STK24: variants seen among roughly 807,000 people sequenced by gnomAD.
The protein encoded by STK24 is serine/threonine-protein kinase 24.
STK24 carries 21 observed loss-of-function variants against 55.6 expected under a neutral mutation model. The ratio of observed to expected loss-of-function variants is 0.38; its 90% CI spans 0.27 to 0.54. The LOEUF (loss-of-function observed/expected upper bound fraction) is 0.54. Among genes scored for constraint, STK24 ranks in the 20% least tolerant of loss-of-function variants. The pLI is 0.79. For synonymous variants in STK24, 200 were observed against 215.2 expected (o/e 0.93, Z 0.62); for missense variants, 383 against 538.4 (o/e 0.71, Z 2.86).
chr13:98,457,587 A>G (rs1893521957), intron 9 of STK24, among the ~76,000 whole-genome samples: 1 of 149,944 alleles, frequency 6.7e-6, no homozygotes, highest in African/African-American at 2.5e-5. Context: ...CTCCTGCCTC[A>G]GCCTCCCGAG....
intron 3 of STK24, among the ~76,000 whole-genome samples, chr13:98,479,158 A>C (rs1319796697): frequency 6.6e-6 from 1 of 152,228 alleles, no homozygotes; most frequent in Non-Finnish European, 1.5e-5. Context: ...TGCTCTTCTA[A>C]GTCAGGGCAC....
rs1479931633 is a variant in STK24, at chr13:98,452,114, G to A, written c.*1059C>T. 6.6e-6 allele frequency: 1 copy of A among 152,052 alleles called. No individual in the cohort carries two copies. Among genetic ancestry groups the A allele is most frequent in the Non-Finnish European group, 1.5e-5 (1 of 67,992 alleles). 9.4% of individuals were successfully genotyped at this position (152,052 alleles called of 1,614,324 possible). ...CACGCACGGCCACACATACACAGCAGGTGCCCTGTCCTCTGAAGAGTCACA... is the reference window on the plus strand; with the variant it reads ...CACGCACGGCCACACATACACAGCAAGTGCCCTGTCCTCTGAAGAGTCACA... On this transcript the variant is annotated 3_prime_UTR_variant, in exon 11 of 11. Coordinates refer to ENST00000539966, the MANE Select transcript of STK24 (RefSeq NM_001032296.4).
At chr13:98,569,270 C>T (rs1360891619) in intron 1 of STK24, among the ~76,000 whole-genome samples, 1 of 152,086 alleles carries the variant, frequency 6.6e-6, no homozygotes, top group Non-Finnish European at 1.5e-5. Flanking sequence ...TGCAATTTTA[C>T]ACCATGCTAA....
intron 5 of STK24, among the ~76,000 whole-genome samples, chr13:98,472,896 C>T (rs1288098628): frequency 6.6e-6 from 1 of 152,124 alleles, no homozygotes; most frequent in African/African-American, 2.4e-5. Flanking sequence ...TTTTAAACCT[C>T]TCTCAGCTTG....
chr13:98,489,903 A>G (rs1894954997), intron 2 of STK24, among the ~76,000 whole-genome samples: 1 of 152,236 alleles, frequency 6.6e-6, no homozygotes, highest in Non-Finnish European at 1.5e-5. Flanking sequence ...TGAGGAGAAA[A>G]GGAAAGTAAG....
chr13:98,448,499 C>T lies in STK24; in HGVS notation c.*4674G>A, dbSNP rs553953830. The T allele has an allele frequency of 2.2e-5, 13 of 590,334 alleles. No individual in the cohort carries two copies. The highest frequency in any genetic ancestry group is 1.3e-4 in the African/African-American group (7 of 53,636). The allele number at this position is 590,334 out of a possible 1,614,324, so 36.6% of individuals were successfully genotyped here. On this transcript the variant is annotated 3_prime_UTR_variant, in exon 11 of 11. Transcript: ENST00000539966. ...GACCTCTCAGCGTCTGAATGAACAGCGCTCCCACCTCCAGTCCTGGCATCC... is the reference window on the plus strand; with the variant it reads ...GACCTCTCAGCGTCTGAATGAACAGTGCTCCCACCTCCAGTCCTGGCATCC...
chr13:98,447,051 C>T lies in STK24; in HGVS notation c.*6122G>A. The stretch of plus-strand genomic sequence containing the variant: ...GCACGGTGTTGGCTGAGGCCCTAGA[C>T]ATCTTGCTTGGAGATCTCTGACATA... On this transcript the variant is annotated 3_prime_UTR_variant, in exon 11 of 11. Transcript: ENST00000539966. The T allele has an allele frequency of 2.0e-6, 1 of 501,352 alleles. No homozygotes were observed. Among genetic ancestry groups the T allele is most frequent in the Non-Finnish European group, 3.6e-6 (1 of 277,804 alleles). The allele number at this position is 501,352 out of a possible 1,614,324, so 31.1% of individuals were successfully genotyped here. A position where few individuals can be genotyped will look rare whatever the true frequency, so the allele number is the denominator to read the frequency against.
intron 10 of STK24, chr13:98,456,953 G>A: frequency 1.6e-6 from 1 of 634,170 alleles, no homozygotes; most frequent in East Asian, 2.8e-5. Context: ...ACTAAGTCCT[G>A]TGGGCTTTCC....
chr13:98,538,966 A>G (rs2083659702), intron 1 of STK24, among the ~76,000 whole-genome samples: 1 of 152,240 alleles, frequency 6.6e-6, no homozygotes, highest in Admixed American at 6.5e-5. Flanking sequence ...AAGGAGACAC[A>G]GGAGTCAGGG....
chr13:98,482,838 C>T (rs540666459), intron 2 of STK24, among the ~76,000 whole-genome samples: 22 of 152,322 alleles, frequency 1.4e-4, no homozygotes, highest in African/African-American at 5.3e-4. Flanking sequence ...CCTAGCGTGG[C>T]CTCCGACTCA....
At chr13:98,535,163 G>C (rs1896681208) in intron 1 of STK24, among the ~76,000 whole-genome samples, 1 of 151,966 alleles carries the variant, frequency 6.6e-6, no homozygotes, top group South Asian at 2.1e-4. Flanking sequence ...AGCCTGACCA[G>C]CGTGTATTTA....
chr13:98,531,563 A>C (rs1361983699), intron 1 of STK24, among the ~76,000 whole-genome samples: 1 of 152,070 alleles, frequency 6.6e-6, no homozygotes. Flanking sequence ...CCAACCCTAG[A>C]CACCTTTTGA....
In STK24 at chr13:98,446,135, A is replaced by C. The variant is rs745471591; in HGVS notation, c.*7038T>G. 2 of 1,613,952 alleles carry C rather than the reference A, an allele frequency of 1.2e-6. No individual in the cohort carries two copies. The highest frequency in any genetic ancestry group is 2.2e-5 in the South Asian group (2 of 91,084). On this transcript the variant is annotated 3_prime_UTR_variant, in exon 11 of 11. Transcript: ENST00000539966. ...GGAAACCTGCTGAGGAAATTCAAAAACAGCAACGGGTGGCAGAAGCTGTGG... is the reference window on the plus strand; with the variant it reads ...GGAAACCTGCTGAGGAAATTCAAAACCAGCAACGGGTGGCAGAAGCTGTGG...
At chr13:98,466,844 G>A (rs1893942761) in intron 5 of STK24, among the ~76,000 whole-genome samples, 1 of 151,826 alleles carries the variant, frequency 6.6e-6, no homozygotes, top group African/African-American at 2.4e-5. Context: ...GAGTCCCGGG[G>A]GCCAGCAGGA....
intron 1 of STK24, among the ~76,000 whole-genome samples, chr13:98,545,452 G>A (rs571257903): frequency 6.6e-6 from 1 of 152,200 alleles, no homozygotes; most frequent in Non-Finnish European, 1.5e-5. Context: ...CCAGATCACG[G>A]TGAAACCCCG....
chr13:98,539,843 A>G (rs2139417824), intron 1 of STK24, among the ~76,000 whole-genome samples: 1 of 152,300 alleles, frequency 6.6e-6, no homozygotes. Context: ...GAAACAAAAA[A>G]CCTACCCTCT....
intron 1 of STK24, chr13:98,521,917 C>A: frequency 9.5e-7 from 1 of 1,052,536 alleles, no homozygotes; most frequent in Non-Finnish European, 1.5e-6. Context: ...CCATTCACCC[C>A]TCTCTGCTGG....
intron 2 of STK24, among the ~76,000 whole-genome samples, chr13:98,495,529 TTC>T (rs1895219759): frequency 6.6e-6 from 1 of 152,232 alleles, no homozygotes; most frequent in African/African-American, 2.4e-5. Flanking sequence ...AGAGCTGAAT[TTC>T]TTTTTGGAGA....
chr13:98,572,019 G>C (rs948658595), intron 1 of STK24, among the ~76,000 whole-genome samples: 1 of 152,130 alleles, frequency 6.6e-6, no homozygotes, highest in Non-Finnish European at 1.5e-5. Flanking sequence ...CCTCCCCCAG[G>C]CCCACAGGCA....
Sources: gnomAD v4.1 joint callset for allele counts (sites outside exome capture counted in the v4.1 genomes callset) on GRCh38, gnomAD v4.1.1 for gene constraint, MANE v1.5 for transcripts, NCBI Gene and HGNC (gene_info 2026-07-23, HGNC 2026-07-21) for gene names.